HEMK2: variants seen among roughly 807,000 people sequenced by gnomAD.
HEMK2 encodes the protein methyltransferase HEMK2.
the HEMK2 span, among the ~76,000 whole-genome samples, chr21:28,590,590 T>G: frequency 6.6e-6 from 1 of 152,298 alleles, no homozygotes; most frequent in East Asian, 1.9e-4. Flanking sequence ...TGCAACAAGC[T>G]GGCTGCAGAA....
the HEMK2 span, among the ~76,000 whole-genome samples, chr21:28,715,066 T>C: frequency 6.6e-6 from 1 of 152,204 alleles, no homozygotes; most frequent in South Asian, 2.1e-4. Context: ...GTTGAATCAA[T>C]GTCTTTACTC....
At chr21:28,849,976 C>T in the HEMK2 span, among the ~76,000 whole-genome samples, 3 of 152,102 alleles carry the variant, frequency 2.0e-5, no homozygotes, top group Non-Finnish European at 4.4e-5. Context: ...CCTAACCTAA[C>T]TAGAGAGGAA....
At chr21:28,805,123 A>G in the HEMK2 span, among the ~76,000 whole-genome samples, 6 of 152,174 alleles carry the variant, frequency 3.9e-5, no homozygotes, top group African/African-American at 1.4e-4. Context: ...AGAATTAAAC[A>G]ATTTATCAGG....
At chr21:28,782,241 A>G in the HEMK2 span, among the ~76,000 whole-genome samples, 1 of 152,234 alleles carries the variant, frequency 6.6e-6, no homozygotes, top group African/African-American at 2.4e-5. Context: ...CATACAGAAC[A>G]GAACTGCATC....
the HEMK2 span, among the ~76,000 whole-genome samples, chr21:28,760,297 T>C: frequency 6.6e-6 from 1 of 152,224 alleles, no homozygotes; most frequent in African/African-American, 2.4e-5. Context: ...GCCCATGCTA[T>C]ATCAAGGCCT....
the HEMK2 span, among the ~76,000 whole-genome samples, chr21:28,771,575 C>T: frequency 6.8e-6 from 1 of 148,068 alleles, no homozygotes; most frequent in Admixed American, 6.9e-5. Flanking sequence ...GTGATCCAAA[C>T]ACCACCTCTA....
At chr21:28,743,995 A>T in the HEMK2 span, among the ~76,000 whole-genome samples, 1 of 152,186 alleles carries the variant, frequency 6.6e-6, no homozygotes, top group African/African-American at 2.4e-5. Flanking sequence ...ACAGAAAACC[A>T]AATGCCACAT....
At chr21:28,610,432 T>C in the HEMK2 span, among the ~76,000 whole-genome samples, 1 of 151,830 alleles carries the variant, frequency 6.6e-6, no homozygotes, top group African/African-American at 2.4e-5. Flanking sequence ...ATCCTTGACA[T>C]ACACCAAAAT....
chr21:28,831,455 A>AAAGAAAGAAAGAAAAGAAAAGAAAG, the HEMK2 span, among the ~76,000 whole-genome samples: 5 of 56,964 alleles, frequency 8.8e-5, no homozygotes, highest in African/African-American at 5.0e-4. Context: ...AAAAAGAAAG[A>AAAGAAAGAAAGAAAAGAAAAGAAAG]AAAGAACGAA....
the HEMK2 span, among the ~76,000 whole-genome samples, chr21:28,706,883 A>G: frequency 6.6e-6 from 1 of 152,040 alleles, no homozygotes; most frequent in African/African-American, 2.4e-5. Context: ...TGAAACTCCC[A>G]GTCAGTAGGA....
the HEMK2 span, among the ~76,000 whole-genome samples, chr21:28,877,105 C>A: frequency 3.0e-5 from 3 of 98,538 alleles, no homozygotes; most frequent in African/African-American, 4.1e-5. Flanking sequence ...GGAAAGGACG[C>A]ATGGATGGAC....
At chr21:28,735,194 C>A in the HEMK2 span, among the ~76,000 whole-genome samples, 1 of 152,164 alleles carries the variant, frequency 6.6e-6, no homozygotes, top group Non-Finnish European at 1.5e-5. Context: ...AACTTAGCAC[C>A]TTAACACAAC....
chr21:28,778,333 T>C, the HEMK2 span, among the ~76,000 whole-genome samples: 1 of 152,242 alleles, frequency 6.6e-6, no homozygotes, highest in African/African-American at 2.4e-5. Context: ...TTCCATGGTA[T>C]GGATGTGTCA....
At chr21:28,721,850 T>C in the HEMK2 span, among the ~76,000 whole-genome samples, 2 of 151,292 alleles carry the variant, frequency 1.3e-5, no homozygotes, top group African/African-American at 2.4e-5. Flanking sequence ...CAGGTCACAC[T>C]AGATTTGAGC....
the HEMK2 span, among the ~76,000 whole-genome samples, chr21:28,603,804 A>G: frequency 1.3e-5 from 2 of 152,076 alleles, no homozygotes; most frequent in Non-Finnish European, 2.9e-5. Flanking sequence ...CAATAAATGA[A>G]CTTTCACTCT....
chr21:28,862,935 T>C, the HEMK2 span, among the ~76,000 whole-genome samples: 9 of 152,178 alleles, frequency 5.9e-5, no homozygotes, highest in African/African-American at 1.7e-4. Context: ...ATGTTACGTG[T>C]CATTATGACC....
chr21:28,596,374 A>T, the HEMK2 span, among the ~76,000 whole-genome samples: 3 of 152,162 alleles, frequency 2.0e-5, no homozygotes, highest in African/African-American at 7.2e-5. Flanking sequence ...AATTAGGCAA[A>T]TCTTTCTCAT....
chr21:28,755,212 G>A, the HEMK2 span, among the ~76,000 whole-genome samples: 2 of 152,118 alleles, frequency 1.3e-5, no homozygotes, highest in East Asian at 1.9e-4. Flanking sequence ...ACTACAGTGC[G>A]GTAGACTCTA....
the HEMK2 span, among the ~76,000 whole-genome samples, chr21:28,639,779 C>A: frequency 6.6e-6 from 1 of 152,080 alleles, no homozygotes; most frequent in Non-Finnish European, 1.5e-5. Context: ...GACGAGGAAC[C>A]CTGATTAAGA....
Sources: allele counts gnomAD v4.1 joint callset (sites outside exome capture counted in the v4.1 genomes callset), GRCh38; gene constraint gnomAD v4.1.1; transcripts MANE v1.5; gene names NCBI Gene and HGNC (gene_info 2026-07-23, HGNC 2026-07-21).